The following FCHSD2 variants were observed in gnomAD, a reference collection of about 807,000 sequenced individuals.
FCHSD2 encodes FCH and double SH3 domains 2, also known as F-BAR and double SH3 domains protein 2.
In FCHSD2, 38 loss-of-function variants were observed where a neutral mutation model predicts 108.1. The ratio of observed to expected loss-of-function variants is 0.35; its 90% CI spans 0.27 to 0.46. FCHSD2 has a LOEUF of 0.46. FCHSD2 is among the 20% of genes least tolerant of loss of function. The probability of loss-of-function intolerance (pLI) is 1.00; values close to 1 mark genes in which losing one functional copy is unlikely to be tolerated. For synonymous variants in FCHSD2, 279 were observed against 314.7 expected, an observed-to-expected ratio of 0.89 and a Z score of 1.20; for missense variants, 751 against 897.8, an observed-to-expected ratio of 0.84 and a Z score of 2.09.
intron 3 of FCHSD2, among the ~76,000 whole-genome samples, chr11:73,043,942 C>G (rs1484452889): frequency 6.6e-6 from 1 of 152,150 alleles, no homozygotes; most frequent in Non-Finnish European, 1.5e-5. Context: ...ATCATCATCC[C>G]TTGGAAGGCC....
At chr11:72,876,243 T>C (rs982644146) in intron 12 of FCHSD2, among the ~76,000 whole-genome samples, 5 of 152,102 alleles carry the variant, frequency 3.3e-5, no homozygotes, top group African/African-American at 7.2e-5. Context: ...GGTGGGAGGA[T>C]TGCTTGAGGC....
At chr11:72,839,018 G>T in intron 19 of FCHSD2, 144 bp from the exon 20 acceptor site, 1 of 650,914 alleles carries the variant, frequency 1.5e-6, no homozygotes, top group Non-Finnish European at 2.7e-6. Context: ...TTTCAACCTA[G>T]TCTTCACTAT....
At chr11:73,073,031 C>T (rs1483472719) in intron 3 of FCHSD2, among the ~76,000 whole-genome samples, 2 of 152,172 alleles carry the variant, frequency 1.3e-5, no homozygotes, top group African/African-American at 2.4e-5. Flanking sequence ...TCCTTCTCTC[C>T]AGCCACAGTA....
At chr11:73,073,592 C>T (rs1859481319) in intron 3 of FCHSD2, among the ~76,000 whole-genome samples, 1 of 152,172 alleles carries the variant, frequency 6.6e-6, no homozygotes, top group Non-Finnish European at 1.5e-5. Context: ...TTTAGGATGG[C>T]TCACCTGTAT....
intron 2 of FCHSD2, among the ~76,000 whole-genome samples, chr11:73,113,327 T>C (rs368517276): frequency 1.3e-4 from 19 of 149,924 alleles, no homozygotes; most frequent in African/African-American, 4.1e-4. Flanking sequence ...CTTAGTTTGG[T>C]TGATCATCAT....
chr11:72,944,219 T>C (rs1856475207), intron 8 of FCHSD2, among the ~76,000 whole-genome samples: 3 of 152,168 alleles, frequency 2.0e-5, no homozygotes, highest in Admixed American at 2.0e-4. Flanking sequence ...GTGGGCTTCA[T>C]CCCTGGGATG....
intron 3 of FCHSD2, among the ~76,000 whole-genome samples, chr11:73,040,840 AT>A (rs1389850249): frequency 1.3e-5 from 2 of 152,130 alleles, no homozygotes; most frequent in Admixed American, 6.5e-5. Context: ...TTAACTGTAT[AT>A]TTGTACCCAT....
At chr11:73,080,295 TCAAAA>T (rs1397173348) in intron 3 of FCHSD2, among the ~76,000 whole-genome samples, 776 of 75,056 alleles carry the variant, frequency 0.01, 5 homozygotes, top group Middle Eastern at 0.038. Context: ...AGACCCTGTC[TCAAAA>T]AAAAAAAAAA....
intron 3 of FCHSD2, among the ~76,000 whole-genome samples, chr11:73,059,782 T>C (rs1391724033): frequency 6.6e-6 from 1 of 152,188 alleles, no homozygotes; most frequent in Admixed American, 6.5e-5. Flanking sequence ...TCTGAAAGCA[T>C]GGATTCTCAT....
chr11:73,096,377 CAAAAAAAAA>C (rs767268719), intron 2 of FCHSD2, among the ~76,000 whole-genome samples: 3 of 68,358 alleles, frequency 4.4e-5, no homozygotes, highest in Non-Finnish European at 8.4e-5. Flanking sequence ...CCTGCCTCTA[CAAAAAAAAA>C]AAAAAAAAAA....
chr11:73,104,536 C>T (rs900075507), intron 2 of FCHSD2, among the ~76,000 whole-genome samples: 12 of 151,876 alleles, frequency 7.9e-5, no homozygotes, highest in African/African-American at 2.9e-4. Context: ...GTTGGGATTA[C>T]AGGAGTGAGC....
At chr11:73,054,027 T>C (rs1323032044) in intron 3 of FCHSD2, among the ~76,000 whole-genome samples, 4 of 152,138 alleles carry the variant, frequency 2.6e-5, no homozygotes, top group Non-Finnish European at 5.9e-5. Context: ...TCACAACAGA[T>C]AGTTTGAGTG....
intron 2 of FCHSD2, among the ~76,000 whole-genome samples, chr11:73,127,916 T>C (rs1221150687): frequency 1.3e-5 from 2 of 148,458 alleles, no homozygotes; most frequent in African/African-American, 5.0e-5. Context: ...GCCAACATAG[T>C]GAAGCACCGT....
intron 9 of FCHSD2, among the ~76,000 whole-genome samples, chr11:72,916,968 C>CTTTTTTTTTTTTTTTTTT (rs71062793): frequency 8.4e-6 from 1 of 118,798 alleles, no homozygotes; most frequent in African/African-American, 3.3e-5. Context: ...GAACTTCATT[C>CTTTTTTTTTTTTTTTTTT]TTTTTTTTTT....
At chr11:72,900,265 T>C in intron 10 of FCHSD2, 1 of 1,249,878 alleles carries the variant, frequency 8.0e-7, no homozygotes. Context: ...ACCTCAGCTA[T>C]GGTCATTCTC....
rs555769646 is a variant in FCHSD2 at position 73,115,310 on chromosome 11, G to A, written c.119+24721C>T. The stretch of plus-strand genomic sequence containing the variant: ...TGCCAGGGTATGGAAGAGGGGTGGC[G>A]TTGGCAATTCAAGACTCTCTTTCCT... On this transcript the variant is annotated intron_variant, in intron 2 of 19. Transcript: ENST00000409418. 1.8e-3 allele frequency among the ~76,000 whole-genome samples: 274 copies of A among 152,236 alleles called. 3 individuals are homozygous for A. The highest frequency in any genetic ancestry group is 6.0e-3 in the African/African-American group (248 of 41,522).
At chr11:72,896,887 C>T (rs1350869605) in intron 10 of FCHSD2, among the ~76,000 whole-genome samples, 1 of 151,196 alleles carries the variant, frequency 6.6e-6, no homozygotes, top group Admixed American at 6.6e-5. Flanking sequence ...AGTGCAGTGG[C>T]GCGATCTCGG....
intron 3 of FCHSD2, among the ~76,000 whole-genome samples, chr11:73,021,619 T>C (rs1858107017): frequency 6.6e-6 from 1 of 152,028 alleles, no homozygotes; most frequent in Admixed American, 6.6e-5. Context: ...CTAGGCTTAA[T>C]ACCTGGGTAA....
chr11:73,116,668 G>A (rs1860610018), intron 2 of FCHSD2, among the ~76,000 whole-genome samples: 1 of 151,898 alleles, frequency 6.6e-6, no homozygotes, highest in African/African-American at 2.4e-5. Flanking sequence ...CCCAAGTAGC[G>A]GGGACTACAG....
Sources: allele counts gnomAD v4.1 joint callset (sites outside exome capture counted in the v4.1 genomes callset), GRCh38; gene constraint gnomAD v4.1.1; transcripts MANE v1.5; gene names NCBI Gene and HGNC (gene_info 2026-07-23, HGNC 2026-07-21).